CNTN5: variants seen among roughly 807,000 people sequenced by gnomAD.
The protein encoded by CNTN5 is contactin 5, also known as contactin-5.
A neutral mutation model predicts 129.1 loss-of-function variants in CNTN5; 77 were observed. The observed-to-expected ratio is 0.60, with a 90% CI of 0.50 to 0.72. CNTN5 has a LOEUF of 0.72. CNTN5 is among the 30% of genes least tolerant of loss of function. The pLI is 0.00. For synonymous variants in CNTN5, 509 were observed against 465.6 expected (o/e 1.09, Z -1.20); for missense variants, 1,478 against 1,328.8 (o/e 1.11, Z -1.75).
intron 3 of CNTN5, among the ~76,000 whole-genome samples, chr11:99,775,680 C>A (rs1417856642): frequency 6.6e-6 from 1 of 151,764 alleles, no homozygotes; most frequent in Non-Finnish European, 1.5e-5. Context: ...GTATCACATG[C>A]TCTCTCTCTA....
At chr11:99,898,597 G>C (rs188002075) in intron 6 of CNTN5, among the ~76,000 whole-genome samples, 38 of 152,078 alleles carry the variant, frequency 2.5e-4, no homozygotes, top group Non-Finnish European at 4.4e-4. Context: ...ACAGCAGTGA[G>C]AAACAATGAA....
At chr11:99,849,196 T>C (rs1458883762) in intron 6 of CNTN5, among the ~76,000 whole-genome samples, 1 of 151,576 alleles carries the variant, frequency 6.6e-6, no homozygotes, top group African/African-American at 2.4e-5. Context: ...ATTATACATA[T>C]TTATTGTGAT....
intron 1 of CNTN5, among the ~76,000 whole-genome samples, chr11:99,140,460 C>CTTTTA (rs142985840): frequency 0.061 from 9,208 of 149,938 alleles, 307 homozygotes; most frequent in African/African-American, 0.085. Context: ...ATTTGGATGC[C>CTTTTA]TTTTATTTTA....
At chr11:99,855,983 A>G (rs1190069099) in intron 6 of CNTN5, among the ~76,000 whole-genome samples, 2 of 152,190 alleles carry the variant, frequency 1.3e-5, no homozygotes, top group Non-Finnish European at 1.5e-5. Context: ...ACATCCAGTG[A>G]AAAAGTCTCA....
intron 1 of CNTN5, among the ~76,000 whole-genome samples, chr11:99,074,431 AG>A (rs1347906970): frequency 6.6e-6 from 1 of 152,120 alleles, no homozygotes; most frequent in Non-Finnish European, 1.5e-5. Flanking sequence ...CTAGAACTGT[AG>A]AAACCCTAGA....
chr11:100,015,709 AC>A (rs1238666712), intron 9 of CNTN5, among the ~76,000 whole-genome samples: 1 of 152,140 alleles, frequency 6.6e-6, no homozygotes, highest in Non-Finnish European at 1.5e-5. Context: ...ATTTTAAAAA[AC>A]AATACAAATA....
At chr11:99,022,341 C>T (rs1305109770) in intron 1 of CNTN5, among the ~76,000 whole-genome samples, 1 of 152,068 alleles carries the variant, frequency 6.6e-6, no homozygotes, top group Admixed American at 6.5e-5. Context: ...AACAGAATTA[C>T]AGAAGTACTT....
At chr11:100,163,507 T>A (rs901177391) in intron 13 of CNTN5, among the ~76,000 whole-genome samples, 1 of 151,882 alleles carries the variant, frequency 6.6e-6, no homozygotes, top group African/African-American at 2.4e-5. Flanking sequence ...GTCATACTAC[T>A]AATACTTATC....
rs11218531 is a variant in CNTN5, at chr11:99,139,112, C to T, written c.-210+117842C>T. On this transcript the variant is annotated intron_variant, in intron 1 of 24. Coordinates refer to ENST00000524871, the MANE Select transcript of CNTN5 (RefSeq NM_014361.4). The stretch of plus-strand genomic sequence containing the variant: ...TCTACCCCCTCCCCACCCCCCCCCC[C>T]CAAAAATTAGCCAGGCATAGTGTCC... Among the ~76,000 whole-genome samples, 4 of 1,668 alleles carry T rather than the reference C, an allele frequency of 2.4e-3. No individual in the cohort carries two copies. In the East Asian group the frequency reaches 0.11, roughly 45 times the overall value. 1.1% of individuals were successfully genotyped at this position (1,668 alleles called of 152,430 possible).
intron 1 of CNTN5, among the ~76,000 whole-genome samples, chr11:99,257,569 AT>A (rs1380913934): frequency 6.6e-6 from 1 of 151,938 alleles, no homozygotes; most frequent in African/African-American, 2.4e-5. Flanking sequence ...AAAAGGTGTA[AT>A]TTTTTATTCA....
chr11:100,297,115 T>A (rs552139743), intron 18 of CNTN5, among the ~76,000 whole-genome samples: 14 of 151,650 alleles, frequency 9.2e-5, no homozygotes, highest in African/African-American at 2.7e-4. Context: ...ACAGATTTTT[T>A]AAAATGTTTA....
intron 3 of CNTN5, among the ~76,000 whole-genome samples, chr11:99,743,947 A>T (rs1410756284): frequency 2.0e-5 from 3 of 152,208 alleles, no homozygotes; most frequent in Non-Finnish European, 4.4e-5. Context: ...AATAGAACTT[A>T]AACTAAAGCA....
At chr11:99,712,940 A>G (rs2134969652) in intron 3 of CNTN5, among the ~76,000 whole-genome samples, 1 of 152,226 alleles carries the variant, frequency 6.6e-6, no homozygotes, top group South Asian at 2.1e-4. Flanking sequence ...CTTTTTGCTT[A>G]GGATTGTCTT....
In CNTN5 at chr11:100,271,080, T is replaced by C. The variant is rs200955833; in HGVS notation, c.2165-12T>C. On this transcript the variant is annotated splice_polypyrimidine_tract_variant and intron_variant, in intron 17 of 24. Coordinates refer to ENST00000524871, the MANE Select transcript of CNTN5 (RefSeq NM_014361.4). ...TCCTCATAATGACATGAAATTTCCT[T>C]CCTTTCTATAGTCCCAGAAATCATA... 121 of 1,583,904 alleles carry C rather than the reference T, an allele frequency of 7.6e-5. No homozygotes were observed. In the South Asian group the frequency reaches 9.4e-4, roughly 12 times the overall value.
chr11:100,174,371 G>A (rs943491498), intron 13 of CNTN5, among the ~76,000 whole-genome samples: 7 of 152,088 alleles, frequency 4.6e-5, no homozygotes, highest in African/African-American at 1.2e-4. Flanking sequence ...CATAGTAATC[G>A]CACCTATAAA....
intron 6 of CNTN5, among the ~76,000 whole-genome samples, chr11:99,877,390 C>G (rs1002426083): frequency 9.2e-5 from 14 of 152,064 alleles, no homozygotes; most frequent in African/African-American, 3.1e-4. Flanking sequence ...TCCAGTATAT[C>G]AACAGTGACA....
chr11:99,703,829 A>C (rs1380642926), intron 3 of CNTN5, among the ~76,000 whole-genome samples: 1 of 151,010 alleles, frequency 6.6e-6, no homozygotes, highest in Non-Finnish European at 1.5e-5. Context: ...TTCAACTATC[A>C]TTAGATCCAA....
intron 2 of CNTN5, among the ~76,000 whole-genome samples, chr11:99,538,782 T>C (rs567004087): frequency 6.6e-6 from 1 of 152,262 alleles, no homozygotes; most frequent in African/African-American, 2.4e-5. Context: ...CCATTTCATG[T>C]ATCTCTTGTT....
chr11:99,386,375 T>C (rs1049007716), intron 2 of CNTN5, among the ~76,000 whole-genome samples: 1 of 152,216 alleles, frequency 6.6e-6, no homozygotes, highest in African/African-American at 2.4e-5. Flanking sequence ...TTGCCCATTT[T>C]TATAGTTATT....
Sources: allele counts gnomAD v4.1 joint callset (sites outside exome capture counted in the v4.1 genomes callset), GRCh38; gene constraint gnomAD v4.1.1; transcripts MANE v1.5; gene names NCBI Gene and HGNC (gene_info 2026-07-23, HGNC 2026-07-21).